TENM3: variants seen among roughly 807,000 people sequenced by gnomAD.
TENM3 encodes teneurin-3.
In TENM3, 63 loss-of-function variants were observed where a neutral mutation model predicts 255.1. The ratio of observed to expected loss-of-function variants is 0.25; its 90% CI spans 0.20 to 0.30. TENM3 has a LOEUF of 0.30. Among genes scored for constraint, TENM3 ranks in the 10% least tolerant of loss-of-function variants. The pLI, the probability that TENM3 is intolerant of heterozygous loss-of-function variation, is 1.00. For missense variants in TENM3, 2,929 were observed against 3,461.1 expected (o/e 0.85, Z 3.86); for synonymous variants, 1,306 against 1,322.3 (o/e 0.99, Z 0.27).
chr4:181,502,763 A>G, the TENM3 span, among the ~76,000 whole-genome samples: 1 of 152,166 alleles, frequency 6.6e-6, no homozygotes, highest in Non-Finnish European at 1.5e-5. Flanking sequence ...GGGAGCAGTT[A>G]GCATTTGCCT....
At chr4:181,646,608 G>A in the TENM3 span, among the ~76,000 whole-genome samples, 114 of 152,192 alleles carry the variant, frequency 7.5e-4, no homozygotes, top group Non-Finnish European at 1.5e-3. Flanking sequence ...AAAGACTCAA[G>A]GCAGAAGGCA....
chr4:182,007,422 A>G, the TENM3 span, among the ~76,000 whole-genome samples: 7 of 152,146 alleles, frequency 4.6e-5, no homozygotes, highest in African/African-American at 1.2e-4. Flanking sequence ...TTGGGTGCAT[A>G]TATATTTAGG....
the TENM3 span, among the ~76,000 whole-genome samples, chr4:181,943,779 G>T: frequency 6.6e-6 from 1 of 152,102 alleles, no homozygotes; most frequent in Non-Finnish European, 1.5e-5. Flanking sequence ...CTTCATCATA[G>T]CCTGATCAGC....
At chr4:181,718,791 G>T in the TENM3 span, among the ~76,000 whole-genome samples, 1,208 of 152,194 alleles carry the variant, frequency 7.9e-3, 12 homozygotes, top group African/African-American at 0.027. Context: ...GATTAGTTTT[G>T]CTTTTCATCT....
the TENM3 span, among the ~76,000 whole-genome samples, chr4:181,651,460 T>C: frequency 6.6e-6 from 1 of 152,088 alleles, no homozygotes; most frequent in African/African-American, 2.4e-5. Context: ...TGGTGGCATG[T>C]GCCTGTAATC....
chr4:182,210,843 G>A (rs1037634920), intron 1 of TENM3, among the ~76,000 whole-genome samples: 1 of 152,074 alleles, frequency 6.6e-6, no homozygotes, highest in African/African-American at 2.4e-5. Flanking sequence ...TCTCAGTCTA[G>A]GTACCCTCTC....
intron 1 of TENM3, among the ~76,000 whole-genome samples, chr4:182,179,593 GTA>G (rs1456056438): frequency 4.6e-5 from 7 of 152,108 alleles, no homozygotes; most frequent in Non-Finnish European, 8.8e-5. Flanking sequence ...ATAGACTATG[GTA>G]GTTTATAGAA....
At chr4:182,569,561 GA>G (rs59561269) in intron 3 of TENM3, among the ~76,000 whole-genome samples, 40,576 of 126,008 alleles carry the variant, frequency 0.32, 7,976 homozygotes, top group African/African-American at 0.6. Flanking sequence ...CTCAAAAAAA[GA>G]AAAAAAAAAA....
chr4:181,839,786 G>C, the TENM3 span, among the ~76,000 whole-genome samples: 25 of 151,816 alleles, frequency 1.6e-4, no homozygotes, highest in African/African-American at 5.8e-4. Context: ...AAGTTAATCT[G>C]TCTTTTCTCT....
chr4:182,228,392 G>GTGTGTGTGTGTGTGTA lies in TENM3; in HGVS notation c.-76+83639_-76+83640insGTGTGTGTGTGTGTAT, dbSNP rs139457090. On this transcript the variant is annotated intron_variant, in intron 1 of 2. Coordinates refer to the TENM3 transcript ENST00000512480. ...TGTGTGTGTGTGTGTGTGTGTGTGT[G>GTGTGTGTGTGTGTGTA]TATATGTAATCCCTCCCAGCTCTAA... Among the ~76,000 whole-genome samples the GTGTGTGTGTGTGTGTA allele has an allele frequency of 1.8e-3, 193 of 104,510 alleles. 16 individuals carry two copies. Among genetic ancestry groups the GTGTGTGTGTGTGTGTA allele is most frequent in the African/African-American group, 8.0e-3 (180 of 22,466 alleles). 68.6% of individuals were successfully genotyped at this position (104,510 alleles called of 152,430 possible).
chr4:181,470,117 A>AAAC, the TENM3 span, among the ~76,000 whole-genome samples: 2 of 122,192 alleles, frequency 1.6e-5, no homozygotes, highest in African/African-American at 5.3e-5. Flanking sequence ...GTAAAAAAAA[A>AAAC]AAAAAAAACA....
At chr4:182,362,411 C>G (rs1425907106) in intron 3 of TENM3, among the ~76,000 whole-genome samples, 4 of 151,894 alleles carry the variant, frequency 2.6e-5, no homozygotes, top group South Asian at 2.1e-4. Flanking sequence ...TTTACCTAAG[C>G]AAGCCTGGGC....
chr4:182,582,215 G>A (rs893666771), intron 3 of TENM3, among the ~76,000 whole-genome samples: 2 of 152,090 alleles, frequency 1.3e-5, no homozygotes, highest in Non-Finnish European at 2.9e-5. Flanking sequence ...AATTTCTACG[G>A]TACTGCCTTA....
intron 1 of TENM3, among the ~76,000 whole-genome samples, chr4:182,261,235 G>A (rs1758770344): frequency 6.6e-6 from 1 of 152,200 alleles, no homozygotes; most frequent in South Asian, 2.1e-4. Flanking sequence ...AGCATGCACT[G>A]AAGTTCGAGA....
chr4:182,009,518 A>G, the TENM3 span, among the ~76,000 whole-genome samples: 1 of 152,184 alleles, frequency 6.6e-6, no homozygotes, highest in Non-Finnish European at 1.5e-5. Context: ...AGACTGCCAC[A>G]GCCCGTGCGT....
At chr4:182,009,026 T>G in the TENM3 span, among the ~76,000 whole-genome samples, 1 of 152,066 alleles carries the variant, frequency 6.6e-6, no homozygotes, top group South Asian at 2.1e-4. Context: ...GGGGGTTCAC[T>G]TCAGGCCCTA....
At chr4:181,536,825 T>G in the TENM3 span, among the ~76,000 whole-genome samples, 1 of 152,216 alleles carries the variant, frequency 6.6e-6, no homozygotes, top group South Asian at 2.1e-4. Flanking sequence ...ATTTTTTCCC[T>G]TGGCTTTAAA....
the TENM3 span, among the ~76,000 whole-genome samples, chr4:181,743,202 T>C: frequency 6.6e-6 from 1 of 152,160 alleles, no homozygotes; most frequent in South Asian, 2.1e-4. Flanking sequence ...AGTAATGGGA[T>C]GGCTGGGTCA....
chr4:182,594,693 TGTGTGTGTGTGTG>T (rs1348405702), intron 3 of TENM3, among the ~76,000 whole-genome samples: 2 of 32,916 alleles, frequency 6.1e-5, no homozygotes, highest in African/African-American at 1.1e-4. Flanking sequence ...GGTGTGTGTG[TGTGTGTGTGTGTG>T]TGTGTGTGTG....
Sources: gnomAD v4.1 joint callset for allele counts (sites outside exome capture counted in the v4.1 genomes callset) on GRCh38, gnomAD v4.1.1 for gene constraint, MANE v1.5 for transcripts, NCBI Gene and HGNC (gene_info 2026-07-23, HGNC 2026-07-21) for gene names.